ATF2: variants seen among roughly 807,000 people sequenced by gnomAD.
ATF2 encodes cyclic AMP-dependent transcription factor ATF-2.
A neutral mutation model predicts 60.6 loss-of-function variants in ATF2; 24 were observed. That is an observed-to-expected ratio of 0.40 (90% CI 0.29 to 0.56). ATF2 has a LOEUF of 0.56. Among genes scored for constraint, ATF2 ranks in the 20% least tolerant of loss-of-function variants. ATF2 has a pLI of 0.54. For missense variants in ATF2, 433 were observed against 607.7 expected (o/e 0.71, Z 3.02); for synonymous variants, 206 against 215.4 (o/e 0.96, Z 0.38).
intron 1 of ATF2, among the ~76,000 whole-genome samples, chr2:175,162,166 A>C (rs994166143): frequency 3.9e-5 from 6 of 152,258 alleles, no homozygotes; most frequent in African/African-American, 1.4e-4. Context: ...AGTTTTGGTA[A>C]ACTTTAAAAG....
intron 1 of ATF2, among the ~76,000 whole-genome samples, chr2:175,165,953 C>T (rs1157029918): frequency 6.6e-6 from 1 of 152,138 alleles, no homozygotes; most frequent in Non-Finnish European, 1.5e-5. Flanking sequence ...CATGAGCCAC[C>T]GCGCACGCCC....
At chr2:175,137,646 G>A (rs1559103630) in intron 2 of ATF2, among the ~76,000 whole-genome samples, 3 of 152,150 alleles carry the variant, frequency 2.0e-5, no homozygotes, top group Non-Finnish European at 4.4e-5. Context: ...TATGAGAGTA[G>A]AGAGGTAGTG....
At chr2:175,161,423 A>G (rs1574514336) in intron 1 of ATF2, among the ~76,000 whole-genome samples, 1 of 152,348 alleles carries the variant, frequency 6.6e-6, no homozygotes, top group East Asian at 1.9e-4. Flanking sequence ...AGTATTGTAT[A>G]TATATCACAT....
rs1693128296 is a variant in ATF2 at position 175,074,288 on chromosome 2, C to A, written c.*321G>T. On this transcript the variant is annotated 3_prime_UTR_variant, in exon 14 of 14. Transcript: ENST00000264110. ...AAGTGGGAAGAAAGATTCAGTAACA[C>A]CCCCATTTATTAAAACACCAGCAAA... 1.0e-5 allele frequency: 2 copies of A among 191,624 alleles called. No homozygotes were observed. Among genetic ancestry groups the A allele is most frequent in the African/African-American group, 2.4e-5 (1 of 41,822 alleles). 11.9% of individuals were successfully genotyped at this position (191,624 alleles called of 1,614,324 possible). A position where few individuals can be genotyped will look rare whatever the true frequency, so the allele number is the denominator to read the frequency against.
chr2:175,147,371 T>C (rs1699028029), intron 2 of ATF2, among the ~76,000 whole-genome samples: 1 of 152,184 alleles, frequency 6.6e-6, no homozygotes, highest in African/African-American at 2.4e-5. Flanking sequence ...TCTACAAAAA[T>C]GGGAGGGAGC....
chr2:175,116,289 T>C (rs1397660944), intron 7 of ATF2, among the ~76,000 whole-genome samples: 2 of 152,026 alleles, frequency 1.3e-5, no homozygotes. Context: ...AACACAGACA[T>C]AGAGGATGAG....
Position 175,074,449 on chromosome 2 carries a change from G to T in ATF2, c.*160C>A. On this transcript the variant is annotated 3_prime_UTR_variant, in exon 14 of 14. Transcript: ENST00000264110. ...GAGACTAAAAACCGTTTTTCAGTCT[G>T]ATCAACTGCTGCTACACCAACTTTA... 1 of 841,406 alleles carries T rather than the reference G, an allele frequency of 1.2e-6. No homozygotes were observed. The highest frequency in any genetic ancestry group is 1.7e-6 in the Non-Finnish European group (1 of 574,164). The allele number at this position is 841,406 out of a possible 1,614,324, so 52.1% of individuals were successfully genotyped here. A position where few individuals can be genotyped will look rare whatever the true frequency, so the allele number is the denominator to read the frequency against.
chr2:175,104,238 C>G (rs1216278884), intron 10 of ATF2, among the ~76,000 whole-genome samples: 1 of 152,094 alleles, frequency 6.6e-6, no homozygotes, highest in Non-Finnish European at 1.5e-5. Flanking sequence ...CTTCCATGTT[C>G]CAATCCCATT....
intron 10 of ATF2, among the ~76,000 whole-genome samples, chr2:175,104,638 A>C (rs1278876320): frequency 1.3e-5 from 2 of 152,178 alleles, no homozygotes; most frequent in Non-Finnish European, 2.9e-5. Flanking sequence ...TCATTAAGAA[A>C]GCTCTGTGCA....
chr2:175,157,976 A>T (rs1699789136), intron 1 of ATF2, among the ~76,000 whole-genome samples: 1 of 151,440 alleles, frequency 6.6e-6, no homozygotes, highest in Admixed American at 6.6e-5. Context: ...TGGGTGACAG[A>T]GTGAGACTCT....
intron 1 of ATF2, among the ~76,000 whole-genome samples, chr2:175,162,480 A>T (rs996903904): frequency 6.6e-6 from 1 of 152,244 alleles, no homozygotes; most frequent in Non-Finnish European, 1.5e-5. Flanking sequence ...ATATCCTTTG[A>T]CTAGTAATTC....
chr2:175,137,929 T>C (rs570690664), intron 2 of ATF2, among the ~76,000 whole-genome samples: 2 of 152,292 alleles, frequency 1.3e-5, no homozygotes, highest in South Asian at 4.1e-4. Flanking sequence ...AAATGCTATC[T>C]CTTTGTTAAT....
chr2:175,152,901 G>C (rs184600454), intron 1 of ATF2, among the ~76,000 whole-genome samples: 91 of 152,338 alleles, frequency 6.0e-4, no homozygotes, highest in African/African-American at 2.1e-3. Context: ...CTTCTTGATA[G>C]AGATAAATTT....
intron 1 of ATF2, among the ~76,000 whole-genome samples, chr2:175,152,166 T>C (rs1699354103): frequency 6.6e-6 from 1 of 152,218 alleles, no homozygotes; most frequent in Non-Finnish European, 1.5e-5. Context: ...AAATGTAAGA[T>C]GTCCAGATAC....
chr2:175,142,404 G>C (rs1275400421), intron 2 of ATF2, among the ~76,000 whole-genome samples: 1 of 151,626 alleles, frequency 6.6e-6, no homozygotes, highest in African/African-American at 2.4e-5. Flanking sequence ...ACTGAACTCA[G>C]GTGATCCACG....
intron 1 of ATF2, among the ~76,000 whole-genome samples, chr2:175,162,510 T>C (rs1182550207): frequency 1.3e-5 from 2 of 152,212 alleles, no homozygotes; most frequent in Admixed American, 6.5e-5. Context: ...TAGTATCCTA[T>C]AGAAACAATT....
At chr2:175,089,176 G>A (rs1489648299) in intron 12 of ATF2, among the ~76,000 whole-genome samples, 1 of 138,032 alleles carries the variant, frequency 7.2e-6, no homozygotes, top group Admixed American at 7.2e-5. Context: ...GCAAAACTCT[G>A]TCTCCAAAAA....
intron 12 of ATF2, among the ~76,000 whole-genome samples, chr2:175,087,797 A>G (rs770556088): frequency 3.3e-5 from 5 of 152,192 alleles, no homozygotes; most frequent in Admixed American, 6.5e-5. Flanking sequence ...TAAAAAATTT[A>G]TATTTTTAAC....
At chr2:175,096,011 C>T (rs72927396) in intron 11 of ATF2, among the ~76,000 whole-genome samples, 6,873 of 152,234 alleles carry the variant, frequency 0.045, 226 homozygotes, top group Non-Finnish European at 0.067. Context: ...TAGTGGATGA[C>T]AACCACAACT....
Sources: gnomAD v4.1 joint callset for allele counts (sites outside exome capture counted in the v4.1 genomes callset) on GRCh38, gnomAD v4.1.1 for gene constraint, MANE v1.5 for transcripts, NCBI Gene and HGNC (gene_info 2026-07-23, HGNC 2026-07-21) for gene names.